The following CSGALNACT1 variants were observed in gnomAD, a reference collection of about 807,000 sequenced individuals.
CSGALNACT1 encodes beta4GalNAcT-1.
Under a neutral mutation model 51.0 loss-of-function variants are expected in CSGALNACT1, and 52 were observed. That is an observed-to-expected ratio of 1.02 (90% CI 0.82 to 1.29). The LOEUF (loss-of-function observed/expected upper bound fraction) is 1.29, where lower values mean the gene tolerates loss of function less well. Ranked by LOEUF, CSGALNACT1 falls within the 50% of genes most tolerant of loss-of-function variation. The probability of loss-of-function intolerance (pLI) is 0.00; values close to 1 mark genes in which losing one functional copy is unlikely to be tolerated. For synonymous variants in CSGALNACT1, 341 were observed against 254.4 expected (o/e 1.34, Z -3.24); for missense variants, 935 against 679.2 (o/e 1.38, Z -4.19).
At chr8:19,412,793 T>C (rs1424439870) in intron 8 of CSGALNACT1, among the ~76,000 whole-genome samples, 2 of 152,132 alleles carry the variant, frequency 1.3e-5, no homozygotes, top group African/African-American at 4.8e-5. Context: ...GAAGACTCCC[T>C]GAGCTATGAG....
rs1461470869 is a variant in CSGALNACT1 at position 19,439,936 on chromosome 8, A to G, written c.852-5T>C. The G allele has an allele frequency of 1.9e-6, 3 of 1,610,838 alleles. No individual in the cohort carries two copies. Among genetic ancestry groups the G allele is most frequent in the South Asian group, 2.2e-5 (2 of 91,026 alleles). Reference sequence around the variant, plus strand: ...TCCTGCTCAATGCACATCTCCCTGGAAAACAAAACACATGCATGTCTGGCA... The same window carrying G: ...TCCTGCTCAATGCACATCTCCCTGGGAAACAAAACACATGCATGTCTGGCA... On this transcript the variant is annotated splice_region_variant and splice_polypyrimidine_tract_variant and intron_variant, in intron 5 of 9. Transcript: ENST00000454498.
At chr8:19,496,868 A>G (rs1173508797) in intron 4 of CSGALNACT1, among the ~76,000 whole-genome samples, 4 of 152,174 alleles carry the variant, frequency 2.6e-5, no homozygotes, top group Non-Finnish European at 4.4e-5. Flanking sequence ...AGGAACCCCA[A>G]TGGGTGCTAA....
At chr8:19,564,136 A>C (rs886206660) in intron 3 of CSGALNACT1, among the ~76,000 whole-genome samples, 5 of 152,200 alleles carry the variant, frequency 3.3e-5, no homozygotes, top group Non-Finnish European at 7.3e-5. Context: ...AACTTAACGC[A>C]CAGAACATTT....
chr8:19,750,041 C>T (rs960005762), intron 1 of CSGALNACT1, among the ~76,000 whole-genome samples: 3 of 152,168 alleles, frequency 2.0e-5, no homozygotes, highest in South Asian at 2.1e-4. Context: ...AAGAAATGGT[C>T]ACTTATATCC....
At chr8:19,599,472 A>AAAAGAAAGAAAAAGAAAG (rs1319884772) in intron 2 of CSGALNACT1, among the ~76,000 whole-genome samples, 1,880 of 113,740 alleles carry the variant, frequency 0.017, 34 homozygotes, top group African/African-American at 0.044. Flanking sequence ...GAAAGAAAGA[A>AAAAGAAAGAAAAAGAAAG]AAAGAAAGAA....
chr8:19,558,600 T>C (rs1034743780), intron 3 of CSGALNACT1, among the ~76,000 whole-genome samples: 5 of 152,220 alleles, frequency 3.3e-5, no homozygotes, highest in African/African-American at 1.2e-4. Context: ...AATCTAGATG[T>C]TTACTTTTTA....
At chr8:19,567,030 C>T (rs1268580933) in intron 3 of CSGALNACT1, among the ~76,000 whole-genome samples, 10 of 152,236 alleles carry the variant, frequency 6.6e-5, no homozygotes. Flanking sequence ...TTCACTCATA[C>T]TCGGGTTTCC....
chr8:19,404,396 T>A (rs757524016), exon 10 of CSGALNACT1: 14 of 453,510 alleles, frequency 3.1e-5, no homozygotes, highest in South Asian at 2.0e-4. Context: ...AATTTTCACA[T>A]GAATGAAGAA....
At chr8:19,605,099 T>C (rs2051185451), upstream of CSGALNACT1, among the ~76,000 whole-genome samples, 1 of 152,124 alleles carries the variant, frequency 6.6e-6, no homozygotes. Context: ...ACTTTCTGAA[T>C]GTCAAAGAAA....
intron 3 of CSGALNACT1, among the ~76,000 whole-genome samples, chr8:19,516,426 C>A (rs942293748): frequency 6.6e-6 from 1 of 152,078 alleles, no homozygotes; most frequent in Non-Finnish European, 1.5e-5. Flanking sequence ...CTACACCCAG[C>A]GTGTCCAATT....
At chr8:19,577,445 C>T (rs6586844) in intron 3 of CSGALNACT1, among the ~76,000 whole-genome samples, 126,832 of 150,400 alleles carry the variant, frequency 0.84, 53,589 homozygotes, top group East Asian at 1. Context: ...TCTGTAGTCC[C>T]AGCTACCCAG....
At chr8:19,532,833 A>G (rs139602029) in intron 3 of CSGALNACT1, among the ~76,000 whole-genome samples, 1 of 152,172 alleles carries the variant, frequency 6.6e-6, no homozygotes, top group South Asian at 2.1e-4. Context: ...CACCAAAGGA[A>G]ATGTTTACAC....
At position 19,583,178 on chromosome 8, in the gene CSGALNACT1, A is replaced by T. The variant is rs185058499; in HGVS notation, c.-297+7982T>A. On this transcript the variant is annotated intron_variant, in intron 3 of 9. Coordinates refer to ENST00000454498, the Ensembl canonical transcript of CSGALNACT1. ...AAAACATAAACCAATACCTTTTTTT[A>T]AAAAAAAATCCATTATTCTCTTAAA... is the stretch of plus-strand genomic sequence containing the variant. Among the ~76,000 whole-genome samples, 1,129 of 142,560 alleles carry T rather than the reference A, an allele frequency of 7.9e-3. 6 individuals carry two copies. The highest frequency in any genetic ancestry group is 0.016 in the African/African-American group (646 of 40,832). 93.5% of individuals were successfully genotyped at this position (142,560 alleles called of 152,430 possible).
At chr8:19,706,232 G>T (rs959860833) in intron 1 of CSGALNACT1, among the ~76,000 whole-genome samples, 1 of 152,160 alleles carries the variant, frequency 6.6e-6, no homozygotes, top group Admixed American at 6.5e-5. Flanking sequence ...AGATTAGGGA[G>T]AATTCTGCTT....
intron 1 of CSGALNACT1, among the ~76,000 whole-genome samples, chr8:19,643,212 TA>T (rs1269893497): frequency 6.6e-6 from 1 of 152,134 alleles, no homozygotes; most frequent in African/African-American, 2.4e-5. Context: ...CATTAAAAAA[TA>T]ATTTTAAAAA....
In CSGALNACT1 at chr8:19,666,883, A is replaced by AAGAAAGAAAG. The variant is rs1263613762; in HGVS notation, c.-544+15589_-544+15590insCTTTCTTTCT. 1.0e-4 allele frequency among the ~76,000 whole-genome samples: 10 copies of AAGAAAGAAAG among 97,372 alleles called. 1 individual carries two copies. Among genetic ancestry groups the AAGAAAGAAAG allele is most frequent in the South Asian group, 3.8e-4 (1 of 2,650 alleles). 63.9% of individuals were successfully genotyped at this position (97,372 alleles called of 152,430 possible). ...AAAGAAAGAAAGAAAGAAAGAAAGA[A>AAGAAAGAAAG]AGAGAGAGAGGAAGTGAGGAAGGGA... On this transcript the variant is annotated intron_variant, in intron 1 of 9. Coordinates refer to the CSGALNACT1 transcript ENST00000332246.
chr8:19,698,591 C>G (rs1011532512), intron 1 of CSGALNACT1, among the ~76,000 whole-genome samples: 3 of 152,136 alleles, frequency 2.0e-5, no homozygotes, highest in Non-Finnish European at 2.9e-5. Flanking sequence ...TCTGGAGGCA[C>G]TACTGATACT....
chr8:19,439,463 GC>G (rs1470044520), intron 6 of CSGALNACT1, among the ~76,000 whole-genome samples: 2 of 152,206 alleles, frequency 1.3e-5, no homozygotes, highest in African/African-American at 4.8e-5. Flanking sequence ...GGAGCTCACT[GC>G]CCAGCTGTGC....
At chr8:19,710,877 T>G (rs1322024614) in intron 1 of CSGALNACT1, among the ~76,000 whole-genome samples, 3 of 152,108 alleles carry the variant, frequency 2.0e-5, no homozygotes, top group Non-Finnish European at 2.9e-5. Flanking sequence ...TCTTTCACAT[T>G]CTCTTTCTTT....
Sources: allele counts gnomAD v4.1 joint callset (sites outside exome capture counted in the v4.1 genomes callset), GRCh38; gene constraint gnomAD v4.1.1; transcripts MANE v1.5; gene names NCBI Gene and HGNC (gene_info 2026-07-23, HGNC 2026-07-21).